The following PCDH15 variants were observed in gnomAD, a reference collection of about 807,000 sequenced individuals.
The protein encoded by PCDH15 is protocadherin-15.
A neutral mutation model predicts 178.5 loss-of-function variants in PCDH15; 129 were observed. That is an observed-to-expected ratio of 0.72 (90% CI 0.63 to 0.84). The LOEUF is 0.84. Ranked by LOEUF, PCDH15 falls within the 40% of genes least tolerant of loss-of-function variation. PCDH15 has a pLI of 0.00. For missense variants in PCDH15, 2,230 were observed against 2,099.9 expected, an observed-to-expected ratio of 1.06 and a Z score of -1.21; for synonymous variants, 800 against 732.0, an observed-to-expected ratio of 1.09 and a Z score of -1.50.
intron 2 of PCDH15, among the ~76,000 whole-genome samples, chr10:55,399,189 T>G (rs1244842212): frequency 1.3e-5 from 2 of 152,320 alleles, no homozygotes; most frequent in East Asian, 3.9e-4. Flanking sequence ...TTAAATATGC[T>G]TTATTAACAG....
chr10:54,251,675 T>C (rs2056483501), intron 8 of PCDH15, among the ~76,000 whole-genome samples: 1 of 152,198 alleles, frequency 6.6e-6, no homozygotes, highest in Non-Finnish European at 1.5e-5. Flanking sequence ...GGTTTGTTTA[T>C]TAACTGTGGA....
chr10:55,471,973 G>C (rs191400566), intron 2 of PCDH15, among the ~76,000 whole-genome samples: 1 of 152,258 alleles, frequency 6.6e-6, no homozygotes, highest in East Asian at 1.9e-4. Context: ...GAAGGAGGAT[G>C]GTGGTTTTAT....
intron 25 of PCDH15, among the ~76,000 whole-genome samples, chr10:53,925,289 T>G (rs551948772): frequency 6.6e-6 from 1 of 151,480 alleles, no homozygotes; most frequent in Non-Finnish European, 1.5e-5. Context: ...CAACTCCTGA[T>G]GGGAGGAACG....
At chr10:54,161,681 A>G (rs1005275756) in intron 13 of PCDH15, among the ~76,000 whole-genome samples, 7 of 148,606 alleles carry the variant, frequency 4.7e-5, no homozygotes, top group African/African-American at 1.8e-4. Context: ...CAACCCTCCT[A>G]GAAACCAAGG....
At chr10:54,003,488 T>C (rs1038438791) in intron 20 of PCDH15, among the ~76,000 whole-genome samples, 1 of 151,856 alleles carries the variant, frequency 6.6e-6, no homozygotes, top group Non-Finnish European at 1.5e-5. Context: ...CAAACATATG[T>C]CAATAAATTG....
chr10:55,245,264 T>A (rs1442292354), intron 1 of PCDH15, among the ~76,000 whole-genome samples: 1 of 152,116 alleles, frequency 6.6e-6, no homozygotes, highest in African/African-American at 2.4e-5. Context: ...TGCTGTAATG[T>A]TTTGAAACAA....
At chr10:54,793,350 C>A (rs1291458494) in intron 1 of PCDH15, among the ~76,000 whole-genome samples, 1 of 151,732 alleles carries the variant, frequency 6.6e-6, no homozygotes, top group Non-Finnish European at 1.5e-5. Context: ...ATACACCCAC[C>A]CAGAGGCAAT....
intron 2 of PCDH15, among the ~76,000 whole-genome samples, chr10:55,419,699 C>G (rs1056179876): frequency 7.5e-6 from 1 of 133,308 alleles, no homozygotes; most frequent in Non-Finnish European, 1.6e-5. Context: ...CTAGAACTAT[C>G]TGTACACACT....
chr10:55,435,505 T>G (rs918282265), intron 2 of PCDH15, among the ~76,000 whole-genome samples: 2 of 152,140 alleles, frequency 1.3e-5, no homozygotes, highest in Non-Finnish European at 2.9e-5. Context: ...ATAACCAAGA[T>G]TTCATCTAAC....
chr10:54,022,743 G>C, intron 19 of PCDH15, 149 bp downstream of exon 19: 1 of 810,148 alleles, frequency 1.2e-6, no homozygotes, highest in Non-Finnish European at 2.0e-6. Context: ...ATGCAATATT[G>C]GAGAAATAAT....
chr10:55,481,153 G>T (rs1840172152), intron 2 of PCDH15, among the ~76,000 whole-genome samples: 1 of 151,734 alleles, frequency 6.6e-6, no homozygotes, highest in Non-Finnish European at 1.5e-5. Flanking sequence ...TCTGATGGTT[G>T]TTTGTATTTC....
intron 1 of PCDH15, among the ~76,000 whole-genome samples, chr10:54,717,463 C>T (rs1160595905): frequency 1.4e-5 from 2 of 145,832 alleles, no homozygotes; most frequent in Non-Finnish European, 1.5e-5. Flanking sequence ...CATGAACAGA[C>T]ACTTCCCAAA....
At chr10:53,887,616 C>T (rs10825151) in intron 26 of PCDH15, among the ~76,000 whole-genome samples, 1 of 152,040 alleles carries the variant, frequency 6.6e-6, no homozygotes, top group African/African-American at 2.4e-5. Flanking sequence ...AGGTCGGGCA[C>T]GGTGGCTCAC....
intron 1 of PCDH15, among the ~76,000 whole-genome samples, chr10:54,720,928 C>G (rs962181767): frequency 6.6e-6 from 1 of 152,008 alleles, no homozygotes; most frequent in Non-Finnish European, 1.5e-5. Context: ...TCCTAAACCA[C>G]AGAAAATACA....
chr10:54,587,251 T>C (rs201879827), intron 2 of PCDH15, among the ~76,000 whole-genome samples: 6 of 152,300 alleles, frequency 3.9e-5, no homozygotes, highest in Middle Eastern at 3.4e-3. Context: ...CTGTTTCCCA[T>C]TGATAAACAC....
intron 18 of PCDH15, among the ~76,000 whole-genome samples, chr10:54,039,660 C>T (rs879289353): frequency 6.6e-6 from 1 of 151,876 alleles, no homozygotes; most frequent in African/African-American, 2.4e-5. Flanking sequence ...TTGAAATATT[C>T]ATTTCAAAAT....
intron 27 of PCDH15, among the ~76,000 whole-genome samples, chr10:53,860,309 T>G (rs1230749006): frequency 6.6e-6 from 1 of 152,186 alleles, no homozygotes; most frequent in Non-Finnish European, 1.5e-5. Flanking sequence ...CAGCCTTCTT[T>G]GTAGTTTAGT....
chr10:53,990,788 C>T (rs990485129), intron 21 of PCDH15, among the ~76,000 whole-genome samples: 2 of 152,000 alleles, frequency 1.3e-5, no homozygotes, highest in African/African-American at 2.4e-5. Flanking sequence ...GATGGCTCCC[C>T]CTGCTTGCAG....
At chr10:54,478,403 T>G (rs946139376) in intron 3 of PCDH15, among the ~76,000 whole-genome samples, 1 of 152,174 alleles carries the variant, frequency 6.6e-6, no homozygotes, top group Admixed American at 6.6e-5. Context: ...CAAATTGTAA[T>G]GATAGCCAGT....
Sources: allele counts gnomAD v4.1 joint callset (sites outside exome capture counted in the v4.1 genomes callset), GRCh38; gene constraint gnomAD v4.1.1; transcripts MANE v1.5; gene names NCBI Gene and HGNC (gene_info 2026-07-23, HGNC 2026-07-21).